The following ZNF394 variants were observed in gnomAD, a reference collection of about 807,000 sequenced individuals.
ZNF394 encodes zinc finger protein 394.
A neutral mutation model predicts 21.8 loss-of-function variants in ZNF394; 19 were observed. That is an observed-to-expected ratio of 0.87 (90% CI 0.61 to 1.28). The LOEUF (loss-of-function observed/expected upper bound fraction) is 1.28. ZNF394 is among the 50% of genes most tolerant of loss of function. The probability of loss-of-function intolerance (pLI) is 0.00; values close to 1 mark genes in which losing one functional copy is unlikely to be tolerated. For synonymous variants in ZNF394, 294 were observed against 273.3 expected (o/e 1.08, Z -0.75); for missense variants, 683 against 708.6 (o/e 0.96, Z 0.41).
exon 2 of ZNF394, chr7:99,486,697 G>A: frequency 6.2e-7 from 1 of 1,614,226 alleles, no homozygotes; most frequent in Non-Finnish European, 8.5e-7. Flanking sequence ...CCTTATTCAA[G>A]ATCAGAATGC....
At chr7:99,492,059 C>A (rs189834652), downstream of ZNF394, among the ~76,000 whole-genome samples, 870 of 135,828 alleles carry the variant, frequency 6.4e-3, 10 homozygotes, top group African/African-American at 0.022. Flanking sequence ...GGCGACAGAG[C>A]GAGACTCCGT....
At chr7:99,490,624 CTTTTTTTTT>C (rs35117471), downstream of ZNF394, among the ~76,000 whole-genome samples, 9,663 of 141,190 alleles carry the variant, frequency 0.068, 680 homozygotes, top group East Asian at 0.32. Flanking sequence ...AAAGTGAGAC[CTTTTTTTTT>C]TTTTTTTTAA....
downstream of ZNF394, among the ~76,000 whole-genome samples, chr7:99,492,655 A>AG (rs1366673174): frequency 1.3e-5 from 2 of 150,678 alleles, no homozygotes; most frequent in East Asian, 3.9e-4. Flanking sequence ...AAAAAAAAAA[A>AG]AAAAAGTAAA....
chr7:99,489,482 C>T (rs1800114877), downstream of ZNF394, among the ~76,000 whole-genome samples: 1 of 151,982 alleles, frequency 6.6e-6, no homozygotes, highest in Admixed American at 6.6e-5. Context: ...ACACCAAATT[C>T]TCCATCTCCC....
intron 2 of ZNF394, among the ~76,000 whole-genome samples, chr7:99,496,468 A>G (rs1350399055): frequency 1.3e-5 from 2 of 152,190 alleles, no homozygotes; most frequent in African/African-American, 4.8e-5. Flanking sequence ...GGGGCCTGGC[A>G]TATTTTGGAG....
chr7:99,497,116 G>GTATA (rs1259470943), intron 2 of ZNF394, among the ~76,000 whole-genome samples: 17 of 111,442 alleles, frequency 1.5e-4, no homozygotes, highest in Middle Eastern at 4.2e-3. Context: ...GTGTGTGTGT[G>GTATA]TGTGTGTATA....
intron 1 of ZNF394, chr7:99,487,671 C>A: frequency 1.5e-6 from 1 of 646,844 alleles, no homozygotes; most frequent in Non-Finnish European, 2.5e-6. Context: ...TTGGGCAACA[C>A]AGTGAGATCC....
In ZNF394 at chr7:99,494,473, C is replaced by T. The variant is rs148795625; in HGVS notation, c.742G>A (p.Gly248Arg). 2.5e-5 allele frequency: 41 copies of T among 1,614,024 alleles called. No individual in the cohort carries two copies. The highest frequency in any genetic ancestry group is 1.6e-4 in the Middle Eastern group (1 of 6,062). The change falls in exon 3 of 3, where the codon GGA becomes AGA. Residue 248 changes from glycine to arginine, a missense_variant. Around this residue, in one of 3 missense-constraint regions of ZNF394, gnomAD observed 402 missense variants for 373.8 expected, o/e 1.08. Transcript: ENST00000337673. The stretch of plus-strand genomic sequence containing the variant: ...TCAAGTTTCAGGGGCAAGGGGTCTC[C>T]GGACTGCTTTTCCACCCTGTCCTCA... ...THEDRVEKQS[G>R]DPLPLKLENS...
downstream of ZNF394, chr7:99,493,218 GA>G (rs1159028910): frequency 9.3e-7 from 1 of 1,072,704 alleles, no homozygotes; most frequent in African/African-American, 1.7e-5. Flanking sequence ...GACAAGAAAA[GA>G]AACAGGCCAA....
chr7:99,499,502 GCCTACA>G (rs1800448166), intron 1 of ZNF394, 130 bp downstream of exon 1: 1 of 750,052 alleles, frequency 1.3e-6, no homozygotes, highest in Admixed American at 2.4e-5. Context: ...TGTCACTGTG[GCCTACA>G]GAAAGGAAGT....
intron 1 of ZNF394, among the ~76,000 whole-genome samples, chr7:99,499,369 T>TC (rs1800443881): frequency 7.2e-6 from 1 of 138,468 alleles, no homozygotes; most frequent in Admixed American, 7.4e-5. Context: ...AGAGTGAAAC[T>TC]CCATCTCAAA....
chr7:99,492,452 C>T (rs906154548), downstream of ZNF394, among the ~76,000 whole-genome samples: 9 of 151,200 alleles, frequency 6.0e-5, no homozygotes, highest in African/African-American at 2.2e-4. Flanking sequence ...CCAGCCTAGG[C>T]AACACAGTGA....
At chr7:99,491,918 C>A (rs1399689430), downstream of ZNF394, among the ~76,000 whole-genome samples, 1 of 150,050 alleles carries the variant, frequency 6.7e-6, no homozygotes, top group Admixed American at 6.7e-5. Flanking sequence ...ACTAAAAATA[C>A]AAAAAATTAG....
chr7:99,493,264 A>C lies in ZNF394; in HGVS notation c.*265T>G, dbSNP rs1044410807. ...AAACATATCAAAATGACAGCACTTT[A>C]TTTCTTTTTTGAGATGGAGTCTCGC... On this transcript the variant is annotated 3_prime_UTR_variant, in exon 3 of 3. Coordinates refer to ENST00000337673, the MANE Select transcript of ZNF394 (RefSeq NM_032164.4). The C allele has an allele frequency of 1.5e-5, 17 of 1,154,582 alleles. No homozygotes were observed. The highest frequency in any genetic ancestry group is 1.3e-4 in the Admixed American group (3 of 22,968). 71.5% of individuals were successfully genotyped at this position (1,154,582 alleles called of 1,614,324 possible). A position where few individuals can be genotyped will look rare whatever the true frequency, so the allele number is the denominator to read the frequency against.
chr7:99,490,725 T>C (rs1395421960), downstream of ZNF394, among the ~76,000 whole-genome samples: 1 of 151,790 alleles, frequency 6.6e-6, no homozygotes, highest in Non-Finnish European at 1.5e-5. Context: ...TTAATCCTCA[T>C]GTTTAAAGAA....
At chr7:99,491,008 T>G (rs1429200556), downstream of ZNF394, among the ~76,000 whole-genome samples, 1 of 152,086 alleles carries the variant, frequency 6.6e-6, no homozygotes, top group African/African-American at 2.4e-5. Context: ...GGGCCACTAG[T>G]GCCCTGACTG....
At chr7:99,496,627 G>A (rs1354483017) in intron 2 of ZNF394, among the ~76,000 whole-genome samples, 1 of 151,844 alleles carries the variant, frequency 6.6e-6, no homozygotes, top group Non-Finnish European at 1.5e-5. Flanking sequence ...TGTTGGCCAA[G>A]CTGGTCTTGA....
At chr7:99,491,980 G>A (rs1287707770), downstream of ZNF394, among the ~76,000 whole-genome samples, 2 of 149,978 alleles carry the variant, frequency 1.3e-5, no homozygotes, top group Non-Finnish European at 3.0e-5. Flanking sequence ...GGCTGAGGCA[G>A]AAGAATGGCA....
chr7:99,497,118 G>GTA (rs755158094), intron 2 of ZNF394, among the ~76,000 whole-genome samples: 18 of 97,178 alleles, frequency 1.9e-4, no homozygotes, highest in African/African-American at 5.8e-4. Flanking sequence ...GTGTGTGTGT[G>GTA]TGTGTATATA....
Sources: allele counts gnomAD v4.1 joint callset (sites outside exome capture counted in the v4.1 genomes callset), GRCh38; gene constraint gnomAD v4.1.1; regional missense constraint gnomAD v4.1.1; transcripts MANE v1.5; gene names NCBI Gene and HGNC (gene_info 2026-07-23, HGNC 2026-07-21).